Variants in PRR23E observed in about 807,000 individuals in gnomAD.
PRR23E encodes PRR23 family member E.
the PRR23E span, among the ~76,000 whole-genome samples, chr3:127,193,806 T>C: frequency 6.6e-6 from 1 of 152,278 alleles, no homozygotes. Flanking sequence ...GGCTTTATTC[T>C]TTATCAAATT....
the PRR23E span, among the ~76,000 whole-genome samples, chr3:127,195,721 C>T: frequency 6.6e-6 from 1 of 152,188 alleles, no homozygotes; most frequent in African/African-American, 2.4e-5. Context: ...CCTGACCGCA[C>T]CAGCCTCCGC....
At chr3:127,196,524 T>A in the PRR23E span, 64 of 964,216 alleles carry the variant, frequency 6.6e-5, no homozygotes, top group Middle Eastern at 3.4e-4. Flanking sequence ...GCTGTCCCCC[T>A]CCTCCCATCC....
chr3:127,197,901 A>G, the PRR23E span: 2 of 152,904 alleles, frequency 1.3e-5, no homozygotes, highest in East Asian at 1.9e-4. Context: ...CTCTTCCAGC[A>G]TTGGTGTGTC....
the PRR23E span, chr3:127,197,392 G>C: frequency 6.4e-7 from 1 of 1,555,766 alleles, no homozygotes; most frequent in Non-Finnish European, 8.6e-7. Flanking sequence ...TGCAGGGCCC[G>C]CCGCCGCCTC....
chr3:127,197,151 G>A, the PRR23E span: 1 of 1,594,104 alleles, frequency 6.3e-7, no homozygotes, highest in South Asian at 1.1e-5. Context: ...CTGTCCCCAG[G>A]TGGGATGCTG....
At chr3:127,195,425 C>T in the PRR23E span, among the ~76,000 whole-genome samples, 1 of 152,098 alleles carries the variant, frequency 6.6e-6, no homozygotes, top group Non-Finnish European at 1.5e-5. Context: ...CTCCGGGGCA[C>T]CTTCGTGATC....
At chr3:127,193,865 C>G in the PRR23E span, among the ~76,000 whole-genome samples, 1 of 152,014 alleles carries the variant, frequency 6.6e-6, no homozygotes, top group African/African-American at 2.4e-5. Context: ...TTTTTAAAAA[C>G]ATGGTGAAGT....
the PRR23E span, among the ~76,000 whole-genome samples, chr3:127,195,785 G>A: frequency 2.0e-5 from 3 of 152,076 alleles, no homozygotes; most frequent in African/African-American, 4.8e-5. Context: ...CCTCTCCACC[G>A]TCTCTCTGTG....
At chr3:127,195,923 C>A in the PRR23E span, among the ~76,000 whole-genome samples, 2 of 152,208 alleles carry the variant, frequency 1.3e-5, no homozygotes, top group African/African-American at 4.8e-5. Context: ...CCTGGGGCTA[C>A]CTGATGTGCC....
the PRR23E span, among the ~76,000 whole-genome samples, chr3:127,195,976 C>T: frequency 0.045 from 6,881 of 152,290 alleles, 235 homozygotes; most frequent in East Asian, 0.16. Context: ...TCACTTCTTT[C>T]TCTTCCTTTC....
chr3:127,194,074 T>C, the PRR23E span, among the ~76,000 whole-genome samples: 1 of 152,254 alleles, frequency 6.6e-6, no homozygotes, highest in Non-Finnish European at 1.5e-5. Flanking sequence ...ATTTTGAACA[T>C]GATAATTTTG....
the PRR23E span, chr3:127,197,586 T>G: frequency 2.9e-6 from 1 of 341,898 alleles, no homozygotes; most frequent in Non-Finnish European, 4.4e-6. Flanking sequence ...CTATTTCTCT[T>G]TACTTTGTTT....
At chr3:127,196,506 C>T in the PRR23E span, 1 of 981,250 alleles carries the variant, frequency 1.0e-6, no homozygotes, top group Non-Finnish European at 1.4e-6. Flanking sequence ...TCTGTCACCT[C>T]ACCCCCAGCT....
the PRR23E span, chr3:127,197,468 C>T: frequency 2.1e-6 from 3 of 1,424,658 alleles, no homozygotes; most frequent in Non-Finnish European, 2.8e-6. Context: ...CTGGTGGAGC[C>T]CAGCCAGCTG....
chr3:127,196,142 CAAGGATG>C, the PRR23E span, among the ~76,000 whole-genome samples: 2 of 152,162 alleles, frequency 1.3e-5, no homozygotes, highest in Non-Finnish European at 2.9e-5. Flanking sequence ...AAGCATCTGT[CAAGGATG>C]AAGTGCTCCG....
At chr3:127,195,934 C>T in the PRR23E span, among the ~76,000 whole-genome samples, 4 of 152,166 alleles carry the variant, frequency 2.6e-5, no homozygotes, top group Non-Finnish European at 4.4e-5. Flanking sequence ...CTGATGTGCC[C>T]TCTCCTGGAT....
At chr3:127,194,681 A>C in the PRR23E span, among the ~76,000 whole-genome samples, 4 of 151,942 alleles carry the variant, frequency 2.6e-5, no homozygotes, top group African/African-American at 9.7e-5. Context: ...CTTTGCCTCA[A>C]ATTTCTGGGT....
At chr3:127,194,836 G>T in the PRR23E span, among the ~76,000 whole-genome samples, 1 of 152,222 alleles carries the variant, frequency 6.6e-6, no homozygotes, top group East Asian at 1.9e-4. Context: ...TGTCCTTCAG[G>T]TCCCTCAAGA....
chr3:127,197,221 A>C, the PRR23E span: 1 of 1,598,186 alleles, frequency 6.3e-7, no homozygotes, highest in Non-Finnish European at 8.5e-7. Context: ...GGAGCTCCCT[A>C]CTTGAAGACA....
Sources: gnomAD v4.1 joint callset for allele counts (sites outside exome capture counted in the v4.1 genomes callset) on GRCh38, gnomAD v4.1.1 for gene constraint, MANE v1.5 for transcripts, NCBI Gene and HGNC (gene_info 2026-07-23, HGNC 2026-07-21) for gene names.